Variants in SESTD1 observed in about 807,000 individuals in gnomAD.
SESTD1 encodes SEC14 and spectrin domain containing 1.
SESTD1 carries 43 observed loss-of-function variants against 101.7 expected under a neutral mutation model. The ratio of observed to expected loss-of-function variants is 0.42; its 90% CI spans 0.33 to 0.55. The LOEUF (loss-of-function observed/expected upper bound fraction) is 0.55. Ranked by LOEUF, SESTD1 falls within the 20% of genes least tolerant of loss-of-function variation. SESTD1 has a pLI of 0.07. For missense variants in SESTD1, 647 were observed against 815.1 expected (o/e 0.79, Z 2.51); for synonymous variants, 283 against 286.8 (o/e 0.99, Z 0.13).
At chr2:179,156,116 A>G (rs971669304) in intron 5 of SESTD1, among the ~76,000 whole-genome samples, 2 of 151,768 alleles carry the variant, frequency 1.3e-5, no homozygotes, top group Non-Finnish European at 2.9e-5. Context: ...GTGTATATAT[A>G]TATATGTGTG....
At chr2:179,252,074 C>T (rs571759600) in intron 1 of SESTD1, among the ~76,000 whole-genome samples, 2 of 152,282 alleles carry the variant, frequency 1.3e-5, no homozygotes, top group East Asian at 3.9e-4. Flanking sequence ...ATGATTCACA[C>T]TAAGGTATGA....
In SESTD1 at chr2:179,191,857, T is replaced by C. The variant is rs1350049842; in HGVS notation, c.-16A>G. The C allele has an allele frequency of 2.5e-6, 4 of 1,601,966 alleles. No homozygotes were observed. Among genetic ancestry groups the C allele is most frequent in the Non-Finnish European group, 3.4e-6 (4 of 1,172,900 alleles). On this transcript the variant is annotated 5_prime_UTR_variant, in exon 2 of 18. Coordinates refer to ENST00000428443, the MANE Select transcript of SESTD1 (RefSeq NM_178123.5). Reference sequence around the variant, plus strand: ...AGGCCTCCATTTTACTCCAGTGAACTTCCTTAATTCTGAAAACACAGAAAG... The same window carrying C: ...AGGCCTCCATTTTACTCCAGTGAACCTCCTTAATTCTGAAAACACAGAAAG...
intron 9 of SESTD1, among the ~76,000 whole-genome samples, chr2:179,133,049 A>G (rs758171505): frequency 2.2e-4 from 33 of 152,192 alleles, no homozygotes; most frequent in Admixed American, 5.2e-4. Context: ...GACTCTTCTT[A>G]GGATCAACCA....
At chr2:179,130,271 G>A (rs944617389) in intron 10 of SESTD1, among the ~76,000 whole-genome samples, 11 of 151,990 alleles carry the variant, frequency 7.2e-5, no homozygotes, top group Admixed American at 2.0e-4. Context: ...ATCAAAAAAC[G>A]TAGCTTCCCA....
chr2:179,126,706 ATACCCAAC>A (rs1399980388), intron 10 of SESTD1, among the ~76,000 whole-genome samples: 1 of 152,118 alleles, frequency 6.6e-6, no homozygotes, highest in Non-Finnish European at 1.5e-5. Context: ...CCAGATACTG[ATACCCAAC>A]TGCCCACTAG....
At chr2:179,238,413 T>C (rs1338815490) in intron 1 of SESTD1, among the ~76,000 whole-genome samples, 1 of 152,176 alleles carries the variant, frequency 6.6e-6, no homozygotes, top group African/African-American at 2.4e-5. Flanking sequence ...TCAAATTTCT[T>C]CAAAATTCTT....
At chr2:179,120,839 CAA>C (rs777563776) in intron 13 of SESTD1, among the ~76,000 whole-genome samples, 6 of 152,034 alleles carry the variant, frequency 3.9e-5, no homozygotes, top group Non-Finnish European at 8.8e-5. Flanking sequence ...TGCTAAAAGA[CAA>C]AGAGTTGAAG....
At chr2:179,246,145 C>T (rs990926291) in intron 1 of SESTD1, among the ~76,000 whole-genome samples, 2 of 150,712 alleles carry the variant, frequency 1.3e-5, no homozygotes, top group Admixed American at 6.7e-5. Context: ...ATCCCAGATA[C>T]TCAGGAGGCT....
chr2:179,217,610 G>T (rs1008345048), intron 1 of SESTD1, among the ~76,000 whole-genome samples: 1 of 151,622 alleles, frequency 6.6e-6, no homozygotes, highest in Non-Finnish European at 1.5e-5. Context: ...CATCTGACCC[G>T]TGATCCTATT....
At chr2:179,204,643 T>C (rs1432676272) in intron 1 of SESTD1, among the ~76,000 whole-genome samples, 1 of 135,268 alleles carries the variant, frequency 7.4e-6, no homozygotes, top group Non-Finnish European at 1.6e-5. Context: ...TATATTAATT[T>C]TGCCTCAGCT....
chr2:179,212,932 CAGAA>C (rs1452522300), intron 1 of SESTD1, among the ~76,000 whole-genome samples: 1 of 134,998 alleles, frequency 7.4e-6, no homozygotes, highest in African/African-American at 2.9e-5. Flanking sequence ...AACTAACAAA[CAGAA>C]AGGAATAGCA....
chr2:179,141,489 GTCATACTAT>G (rs2045273762), intron 9 of SESTD1, among the ~76,000 whole-genome samples: 1 of 151,332 alleles, frequency 6.6e-6, no homozygotes, highest in Non-Finnish European at 1.5e-5. Flanking sequence ...CTAGGACAAT[GTCATACTAT>G]TGTAGACATT....
chr2:179,242,782 C>G lies in SESTD1; in HGVS notation c.-26+21717G>C, dbSNP rs576046786. Among the ~76,000 whole-genome samples the G allele has an allele frequency of 2.0e-5, 3 of 152,170 alleles. No homozygotes were observed. The South Asian group carries it at 6.2e-4, about 32-fold the overall frequency. On this transcript the variant is annotated intron_variant, in intron 1 of 17. Transcript: ENST00000428443. ...GAATGAAACCGGACAGTACCTTTTA[C>G]CACATACAAAAATTAACTCAAGATG...
Position 179,196,449 on chromosome 2 carries a change from C to T in SESTD1, c.-25-4583G>A, listed in dbSNP as rs186714014. On this transcript the variant is annotated intron_variant, in intron 1 of 17. Coordinates refer to ENST00000428443, the MANE Select transcript of SESTD1 (RefSeq NM_178123.5). ...GCCAGGAAGCTCAAACTGGGTGGAG[C>T]CCACCACAGCTAAAGGAGGCCTGCT... Among the ~76,000 whole-genome samples the T allele has an allele frequency of 5.1e-3, 783 of 152,340 alleles. 4 individuals carry two copies. The highest frequency in any genetic ancestry group is 7.7e-3 in the Non-Finnish European group (527 of 68,032).
intron 10 of SESTD1, among the ~76,000 whole-genome samples, chr2:179,126,273 T>A (rs191663625): frequency 3.0e-4 from 45 of 152,192 alleles, no homozygotes; most frequent in African/African-American, 8.0e-4. Flanking sequence ...ACCAAAAAAT[T>A]CCATCTTGCC....
chr2:179,158,048 T>C (rs2045664100), intron 5 of SESTD1, among the ~76,000 whole-genome samples: 1 of 152,126 alleles, frequency 6.6e-6, no homozygotes, highest in African/African-American at 2.4e-5. Context: ...AAAAACACCA[T>C]TATTTTACAA....
chr2:179,166,814 G>C (rs926395866), intron 5 of SESTD1, among the ~76,000 whole-genome samples: 1 of 152,192 alleles, frequency 6.6e-6, no homozygotes, highest in Admixed American at 6.5e-5. Context: ...GAAATGAGAA[G>C]CCTGTGGTGC....
intron 1 of SESTD1, among the ~76,000 whole-genome samples, chr2:179,192,480 C>G (rs10497535): frequency 0.076 from 11,506 of 152,240 alleles, 1,445 homozygotes; most frequent in African/African-American, 0.26. Context: ...GCCTCCATCT[C>G]TCTACATTTT....
intron 2 of SESTD1, among the ~76,000 whole-genome samples, chr2:179,187,884 A>C (rs1416909984): frequency 2.0e-5 from 3 of 152,230 alleles, no homozygotes; most frequent in Non-Finnish European, 4.4e-5. Context: ...ATACTTAATC[A>C]TTCTAAATAT....
Sources: gnomAD v4.1 joint callset for allele counts (sites outside exome capture counted in the v4.1 genomes callset) on GRCh38, gnomAD v4.1.1 for gene constraint, MANE v1.5 for transcripts, NCBI Gene and HGNC (gene_info 2026-07-23, HGNC 2026-07-21) for gene names.